Variants in RB1 observed in about 807,000 individuals in gnomAD.
RB1 encodes RB transcriptional corepressor 1, also known as retinoblastoma-associated protein.
A neutral mutation model predicts 135.4 loss-of-function variants in RB1; 18 were observed. The observed-to-expected ratio is 0.13, with a 90% confidence interval of 0.09 to 0.20. RB1 has a LOEUF of 0.20. Among genes scored for constraint, RB1 ranks in the 10% least tolerant of loss-of-function variants. The pLI is 1.00. For synonymous variants in RB1, 365 were observed against 373.2 expected, an observed-to-expected ratio of 0.98 and a Z score of 0.25; for missense variants, 868 against 1,110.0, an observed-to-expected ratio of 0.78 and a Z score of 3.10.
chr13:48,363,929 T>C (rs928131083), intron 8 of RB1, among the ~76,000 whole-genome samples: 1 of 152,236 alleles, frequency 6.6e-6, no homozygotes, highest in Admixed American at 6.5e-5. Flanking sequence ...TAGTTTGTTT[T>C]ATTGTCCACA....
chr13:48,416,728 G>C (rs1948917803), intron 17 of RB1, among the ~76,000 whole-genome samples: 1 of 152,196 alleles, frequency 6.6e-6, no homozygotes, highest in African/African-American at 2.4e-5. Context: ...AAGTCGACCT[G>C]GGATGCTGGA....
At chr13:48,426,816 C>G (rs1949086192) in intron 17 of RB1, 1 of 152,288 alleles carries the variant, frequency 6.6e-6, no homozygotes, top group South Asian at 2.1e-4. Flanking sequence ...ATACCTGAGA[C>G]TGGGTAATTT....
rs1566174023 is a variant in RB1 at position 48,303,906 on chromosome 13, A to G, written c.-7A>G. The G allele has an allele frequency of 1.3e-6, 2 of 1,514,680 alleles. No individual in the cohort carries two copies. The highest frequency in any genetic ancestry group is 1.8e-6 in the Non-Finnish European group (2 of 1,138,556). 93.8% of individuals were successfully genotyped at this position (1,514,680 alleles called of 1,614,324 possible). On this transcript the variant is annotated 5_prime_UTR_variant, in exon 1 of 27. Coordinates refer to ENST00000267163, the MANE Select transcript of RB1 (RefSeq NM_000321.3). ...CAGCTCGCTGGCTCCCGCCGCGGAA[A>G]GGCGTCATGCCGCCCAAAACCCCCC...
intron 24 of RB1, among the ~76,000 whole-genome samples, chr13:48,474,662 T>C (rs1949493314): frequency 6.6e-6 from 1 of 152,066 alleles, no homozygotes; most frequent in Non-Finnish European, 1.5e-5. Flanking sequence ...GGATATTCTT[T>C]TTCTGGTACA....
At chr13:48,334,905 G>C (rs1185616717) in intron 2 of RB1, among the ~76,000 whole-genome samples, 1 of 151,970 alleles carries the variant, frequency 6.6e-6, no homozygotes, top group Non-Finnish European at 1.5e-5. Flanking sequence ...TTAAAATTTT[G>C]ATAAAGATTT....
chr13:48,406,955 A>G (rs564066765), intron 17 of RB1, among the ~76,000 whole-genome samples: 2 of 152,270 alleles, frequency 1.3e-5, no homozygotes, highest in East Asian at 3.9e-4. Flanking sequence ...GTTATGTGAC[A>G]TTGTGTCTGT....
chr13:48,325,734 T>C (rs1952282249), intron 2 of RB1, among the ~76,000 whole-genome samples: 1 of 152,176 alleles, frequency 6.6e-6, no homozygotes, highest in South Asian at 2.1e-4. Flanking sequence ...ATTTATGAAT[T>C]TCATTGTTGA....
At chr13:48,320,425 T>C in intron 2 of RB1, 1 of 1,076,030 alleles carries the variant, frequency 9.3e-7, no homozygotes, top group Non-Finnish European at 1.4e-6. Context: ...GCCAAAGGCC[T>C]CCCATTTGGA....
chr13:48,303,944 C>A lies in RB1; in HGVS notation c.32C>A (p.Ala11Asp). ...CCCAAAACCCCCCGAAAAACGGCCG[C>A]CACCGCCGCCGCTGCCGCCGCGGAA... Reference protein sequence around the residue: MPPKTPRKTAATAAAAAAEPP... With the variant: MPPKTPRKTADTAAAAAAEPP... Residue 11 changes from alanine to aspartate, a missense_variant, in exon 1 of 27, where the codon GCC (alanine) becomes GAC (aspartate). This residue lies in a region of RB1 where 641 missense variants were observed against 791.3 expected (regional missense o/e 0.81). Transcript: ENST00000267163. 1 of 1,509,624 alleles carries A rather than the reference C, an allele frequency of 6.6e-7. No homozygotes were observed. Among genetic ancestry groups the A allele is most frequent in the African/African-American group, 1.4e-5 (1 of 69,198 alleles). 93.5% of individuals were successfully genotyped at this position (1,509,624 alleles called of 1,614,324 possible). A position where few individuals can be genotyped will look rare whatever the true frequency, so the allele number is the denominator to read the frequency against.
intron 6 of RB1, among the ~76,000 whole-genome samples, chr13:48,355,451 C>T (rs1230544171): frequency 6.6e-6 from 1 of 152,024 alleles, no homozygotes; most frequent in Non-Finnish European, 1.5e-5. Context: ...GAAAAGAGAA[C>T]CCCCGTACAC....
At chr13:48,473,265 A>ATTAATTAAAGG (rs1566239827) in intron 23 of RB1, 95 bp from the exon 24 acceptor site, 1 of 976,220 alleles carries the variant, frequency 1.0e-6, no homozygotes, top group Non-Finnish European at 1.6e-6. Flanking sequence ...TTAATTTGGT[A>ATTAATTAAAGG]TTCCTAATAG....
intron 17 of RB1, among the ~76,000 whole-genome samples, chr13:48,382,960 T>C (rs990446424): frequency 6.6e-6 from 1 of 152,112 alleles, no homozygotes; most frequent in Non-Finnish European, 1.5e-5. Context: ...GAATCCTTTC[T>C]CCATTTCTTG....
At chr13:48,388,111 A>G (rs976082806) in intron 17 of RB1, among the ~76,000 whole-genome samples, 1 of 152,202 alleles carries the variant, frequency 6.6e-6, no homozygotes, top group Non-Finnish European at 1.5e-5. Context: ...TTGTTTTACT[A>G]TATGTGCATA....
intron 12 of RB1, among the ~76,000 whole-genome samples, chr13:48,374,983 T>C (rs1190994100): frequency 6.6e-6 from 1 of 152,148 alleles, no homozygotes; most frequent in East Asian, 1.9e-4. Flanking sequence ...TCTTTTTCTG[T>C]ATTAATTTGT....
At chr13:48,322,716 T>A (rs1952251867) in intron 2 of RB1, among the ~76,000 whole-genome samples, 1 of 152,094 alleles carries the variant, frequency 6.6e-6, no homozygotes, top group Admixed American at 6.5e-5. Context: ...GGGTGTTGAG[T>A]GTTTTGTTAT....
intron 6 of RB1, among the ~76,000 whole-genome samples, chr13:48,350,835 G>GT (rs1952541263): frequency 1.3e-5 from 2 of 152,224 alleles, no homozygotes; most frequent in African/African-American, 4.8e-5. Flanking sequence ...GCAGTATTTA[G>GT]TTTTTTATTC....
At chr13:48,377,764 A>G (rs564271144) in intron 13 of RB1, among the ~76,000 whole-genome samples, 10 of 152,208 alleles carry the variant, frequency 6.6e-5, no homozygotes, top group Admixed American at 2.0e-4. Context: ...TCATTAGGCA[A>G]TTTTGTTGTG....
At chr13:48,343,503 T>C (rs1040511771) in intron 3 of RB1, among the ~76,000 whole-genome samples, 4 of 152,214 alleles carry the variant, frequency 2.6e-5, no homozygotes, top group African/African-American at 9.6e-5. Context: ...GCCTTGTATA[T>C]TTGTAAATAT....
chr13:48,335,680 T>C (rs1056076573), intron 2 of RB1, among the ~76,000 whole-genome samples: 3 of 151,982 alleles, frequency 2.0e-5, no homozygotes, highest in African/African-American at 4.8e-5. Context: ...TGTGGGGGAA[T>C]TGTTTTGGCT....
Sources: allele counts gnomAD v4.1 joint callset (sites outside exome capture counted in the v4.1 genomes callset), GRCh38; gene constraint gnomAD v4.1.1; regional missense constraint gnomAD v4.1.1; transcripts MANE v1.5; gene names NCBI Gene and HGNC (gene_info 2026-07-23, HGNC 2026-07-21).